CTNNA1: variants seen among roughly 807,000 people sequenced by gnomAD.
CTNNA1 encodes the protein catenin alpha 1.
In CTNNA1, 37 loss-of-function variants were observed where a neutral mutation model predicts 98.4. That is an observed-to-expected ratio of 0.38 (90% confidence interval 0.29 to 0.49). The LOEUF is 0.49. CTNNA1 is among the 20% of genes least tolerant of loss of function. CTNNA1 has a pLI of 0.95. For synonymous variants in CTNNA1, 404 were observed against 413.2 expected (o/e 0.98, Z 0.27); for missense variants, 761 against 1,147.2 (o/e 0.66, Z 4.86).
intron 3 of CTNNA1, among the ~76,000 whole-genome samples, chr5:138,794,907 T>C (rs1458867319): frequency 6.6e-6 from 1 of 152,162 alleles, no homozygotes; most frequent in Non-Finnish European, 1.5e-5. Context: ...TCCAGCACTT[T>C]GGGAGGCTGA....
chr5:138,880,681 A>G lies in CTNNA1; in HGVS notation c.1063-5531A>G. The stretch of plus-strand genomic sequence containing the variant: ...ATGTTATTTCCTCTTACCTACATAG[A>G]TGGCCCAAGGGGCTATACAAAGAAA... On this transcript the variant is annotated intron_variant, in intron 7 of 17. Transcript: ENST00000302763. The G allele has an allele frequency of 1.1e-5, 2 of 178,592 alleles. 1 individual carries two copies. The highest frequency in any genetic ancestry group is 2.6e-4 in the South Asian group (2 of 7,598). The allele number at this position is 178,592 out of a possible 1,614,324, so 11.1% of individuals were successfully genotyped here. A position where few individuals can be genotyped will look rare whatever the true frequency, so the allele number is the denominator to read the frequency against.
intron 3 of CTNNA1, among the ~76,000 whole-genome samples, chr5:138,802,127 C>T (rs139863513): frequency 2.0e-5 from 3 of 152,234 alleles, no homozygotes; most frequent in Non-Finnish European, 2.9e-5. Flanking sequence ...TCATTCTGCA[C>T]CCTAATGTAA....
At chr5:138,766,457 T>G (rs1261549653) in intron 1 of CTNNA1, among the ~76,000 whole-genome samples, 5 of 150,384 alleles carry the variant, frequency 3.3e-5, no homozygotes, top group Admixed American at 1.3e-4. Flanking sequence ...TTTTGTTTTT[T>G]TTTTTTTTTC....
rs1429574111 is a variant in CTNNA1 at position 138,825,490 on chromosome 5, T to TTTTTTTTGTTTTG, written c.858+698_858+699insGTTTTGTTTTTTT. Among the ~76,000 whole-genome samples the TTTTTTTTGTTTTG allele has an allele frequency of 5.8e-4, 64 of 109,456 alleles. 2 individuals are homozygous for TTTTTTTTGTTTTG. Among genetic ancestry groups the TTTTTTTTGTTTTG allele is most frequent in the Middle Eastern group, 4.2e-3 (1 of 236 alleles). The allele number at this position is 109,456 out of a possible 152,430, so 71.8% of individuals were successfully genotyped here. A position where few individuals can be genotyped will look rare whatever the true frequency, so the allele number is the denominator to read the frequency against. On this transcript the variant is annotated intron_variant, in intron 6 of 17. Coordinates refer to ENST00000302763, the MANE Select transcript of CTNNA1 (RefSeq NM_001903.5). The stretch of plus-strand genomic sequence containing the variant: ...AGATGGCAGCAGTATAAGTTTTTTT[T>TTTTTTTTGTTTTG]TTTTTTTTAGGGCTTTAAAAGTAAC...
chr5:138,841,620 G>T (rs1762277478), intron 7 of CTNNA1, among the ~76,000 whole-genome samples: 1 of 88,884 alleles, frequency 1.1e-5, no homozygotes, highest in Non-Finnish European at 2.4e-5. Flanking sequence ...AATTCCATTT[G>T]GTCATTCTCT....
At chr5:138,794,099 C>A (rs1285864565) in intron 3 of CTNNA1, among the ~76,000 whole-genome samples, 2 of 150,792 alleles carry the variant, frequency 1.3e-5, no homozygotes, top group Non-Finnish European at 2.9e-5. Context: ...CTCACTGCAA[C>A]CTCCGCCTCC....
chr5:138,760,017 G>T, intron 1 of CTNNA1, among the ~76,000 whole-genome samples: 1 of 120,392 alleles, frequency 8.3e-6, no homozygotes. Context: ...TTTATGAGAT[G>T]GAGTTTCACT....
chr5:138,781,487 C>T (rs925447052), intron 1 of CTNNA1, among the ~76,000 whole-genome samples: 7 of 149,236 alleles, frequency 4.7e-5, no homozygotes, highest in African/African-American at 1.2e-4. Flanking sequence ...ACCCAGGAGG[C>T]GGAGCTTGCA....
rs1354780090 is a variant in CTNNA1 at position 138,758,293 on chromosome 5, C to T, written c.-3+4783C>T. On this transcript the variant is annotated intron_variant, in intron 1 of 17. Coordinates refer to ENST00000302763, the MANE Select transcript of CTNNA1 (RefSeq NM_001903.5). ...CTTGGCTCCCTGCAACCTCCGCCTC[C>T]CGGGTTCATGCCGTTCTCCTGCCTC... Among the ~76,000 whole-genome samples the T allele has an allele frequency of 2.0e-5, 3 of 152,222 alleles. No individual in the cohort carries two copies. The East Asian group carries it at 5.8e-4, about 29-fold the overall frequency.
intron 1 of CTNNA1, among the ~76,000 whole-genome samples, chr5:138,765,798 A>G (rs1752863353): frequency 6.6e-6 from 1 of 151,736 alleles, no homozygotes. Context: ...AAAATATAAA[A>G]ATTAGCTGGG....
At chr5:138,917,553 T>C (rs1762046656) in intron 10 of CTNNA1, among the ~76,000 whole-genome samples, 189 bp from the exon 11 acceptor site, 1 of 152,244 alleles carries the variant, frequency 6.6e-6, no homozygotes, top group Non-Finnish European at 1.5e-5. Context: ...TATCATTGTC[T>C]ATAGTTTGCA....
chr5:138,932,296 T>C (rs954202229), intron 16 of CTNNA1: 4 of 1,197,342 alleles, frequency 3.3e-6, no homozygotes, highest in Middle Eastern at 3.3e-4. Flanking sequence ...CCCGCCGTCA[T>C]AGGAGGGAAG....
intron 7 of CTNNA1, among the ~76,000 whole-genome samples, chr5:138,832,578 CAT>C (rs1491285221): frequency 1.3e-5 from 2 of 151,908 alleles, no homozygotes; most frequent in African/African-American, 4.8e-5. Context: ...AAGTTATTAC[CAT>C]TTTTTTTCAT....
chr5:138,880,897 G>A, intron 7 of CTNNA1: 1 of 389,156 alleles, frequency 2.6e-6, no homozygotes, highest in Non-Finnish European at 5.1e-6. Context: ...CTCTTAATAG[G>A]TTCTGGGCTG....
At chr5:138,875,051 C>A (rs1380314184) in intron 7 of CTNNA1, 1 of 778,624 alleles carries the variant, frequency 1.3e-6, no homozygotes. Context: ...AAAATTGAAT[C>A]CACCAGGACG....
intron 7 of CTNNA1, among the ~76,000 whole-genome samples, chr5:138,883,209 C>G (rs1241515572): frequency 6.6e-6 from 1 of 152,162 alleles, no homozygotes; most frequent in African/African-American, 2.4e-5. Context: ...TTTCCTCAAG[C>G]TCAGTGTTAA....
At chr5:138,879,855 G>A (rs1171137436) in intron 7 of CTNNA1, among the ~76,000 whole-genome samples, 1 of 152,216 alleles carries the variant, frequency 6.6e-6, no homozygotes, top group Non-Finnish European at 1.5e-5. Context: ...GGTAAGCAGT[G>A]TTTCTTTGGA....
In CTNNA1 at chr5:138,925,407, G is replaced by C. The variant is rs1253558458; in HGVS notation, c.1899G>C (p.Arg633Ser). The C allele has an allele frequency of 1.4e-5, 22 of 1,613,476 alleles. No homozygotes were observed. Among genetic ancestry groups the C allele is most frequent in the Non-Finnish European group, 1.9e-5 (22 of 1,179,780 alleles). Residue 633 changes from arginine (R) to serine (S), a missense_variant and splice_region_variant, in exon 13 of 18, where the codon AGG becomes AGC. By Grantham distance (110) the Arg-to-Ser change is moderately radical. Coordinates refer to ENST00000302763, the MANE Select transcript of CTNNA1 (RefSeq NM_001903.5). ...TCAGGAAAGCAGTGCTGATGATAAG[G>C]GTGAGTAACTGCATTTCAGACGTCT... ...RDIRKAVLMI[R>S]TPEELDDSDF...
intron 9 of CTNNA1, among the ~76,000 whole-genome samples, chr5:138,896,832 T>G (rs1756920376): frequency 6.6e-6 from 1 of 152,214 alleles, no homozygotes; most frequent in Non-Finnish European, 1.5e-5. Flanking sequence ...GGTGAAGAAT[T>G]TATTCGCTAT....
Sources: allele counts gnomAD v4.1 joint callset (sites outside exome capture counted in the v4.1 genomes callset), GRCh38; gene constraint gnomAD v4.1.1; transcripts MANE v1.5; gene names NCBI Gene and HGNC (gene_info 2026-07-23, HGNC 2026-07-21).